VTCN1: variants seen among roughly 807,000 people sequenced by gnomAD.
VTCN1 encodes V-set domain-containing T-cell activation inhibitor 1.
VTCN1 carries 26 observed loss-of-function variants against 26.5 expected under a neutral mutation model. The observed-to-expected ratio is 0.98, with a 90% confidence interval of 0.72 to 1.36. VTCN1 has a LOEUF of 1.36. Among genes scored for constraint, VTCN1 ranks in the 40% most tolerant of loss-of-function variants. The probability of loss-of-function intolerance (pLI) is 0.00; values close to 1 mark genes in which losing one functional copy is unlikely to be tolerated. For synonymous variants in VTCN1, 116 were observed against 130.7 expected, an observed-to-expected ratio of 0.89 and a Z score of 0.77; for missense variants, 298 against 337.7, an observed-to-expected ratio of 0.88 and a Z score of 0.92.
At position 117,161,209 on chromosome 1, in the gene VTCN1, T is replaced by C. The variant is rs117750758; in HGVS notation, c.98-4288A>G. 2.4e-4 allele frequency among the ~76,000 whole-genome samples: 37 copies of C among 152,358 alleles called. No individual in the cohort carries two copies. In the East Asian group the frequency reaches 6.4e-3, roughly 26 times the overall value. ...AAAGATTCAGTTTGCTTTGCAAGTA[T>C]TGTTACTTAGAGAATGATATCCAAG... On this transcript the variant is annotated intron_variant, in intron 2 of 5. Transcript: ENST00000369458. This position sits in a 1 kb window ranked among gnomAD's most constrained non-coding sequence, Gnocchi z 4.3.
intron 1 of VTCN1, among the ~76,000 whole-genome samples, chr1:117,186,892 A>G (rs1647970413): frequency 6.6e-6 from 1 of 151,998 alleles, no homozygotes; most frequent in African/African-American, 2.4e-5. Flanking sequence ...CAGGCCCCAG[A>G]ATTGACCCTG....
chr1:117,196,403 TAGAG>T (rs68151432), intron 1 of VTCN1, among the ~76,000 whole-genome samples: 12 of 145,242 alleles, frequency 8.3e-5, no homozygotes, highest in East Asian at 4.0e-4. Flanking sequence ...TATATATATA[TAGAG>T]AGAGAGAGAG....
chr1:117,162,921 G>T (rs536954032), intron 2 of VTCN1, among the ~76,000 whole-genome samples: 45 of 152,314 alleles, frequency 3.0e-4, no homozygotes, highest in Admixed American at 2.9e-3. Context: ...AAAATGAGCT[G>T]TCCTTTGAAA....
intron 1 of VTCN1, among the ~76,000 whole-genome samples, chr1:117,198,783 T>A (rs1439948074): frequency 6.6e-6 from 1 of 152,208 alleles, no homozygotes; most frequent in Non-Finnish European, 1.5e-5. Context: ...ATTTGAGAAA[T>A]ACGGGGTGAT....
At chr1:117,174,011 C>T (rs549307442) in intron 1 of VTCN1, among the ~76,000 whole-genome samples, 1 of 152,300 alleles carries the variant, frequency 6.6e-6, no homozygotes, top group Non-Finnish European at 1.5e-5. Flanking sequence ...ACTTCCAGAG[C>T]CTTGGAAAGA....
rs1019083829 is a variant in VTCN1 at position 117,161,429 on chromosome 1, C to A, written c.98-4508G>T. On this transcript the variant is annotated intron_variant, in intron 2 of 5. Coordinates refer to ENST00000369458, the MANE Select transcript of VTCN1 (RefSeq NM_024626.4). This position sits in a 1 kb window ranked among gnomAD's most constrained non-coding sequence, Gnocchi z 4.3. The stretch of plus-strand genomic sequence containing the variant: ...TCACCAAAGGAAAAATTAGTAGATT[C>A]TCTCTTTACTTTCCTGTAACTTTTT... Among the ~76,000 whole-genome samples the A allele has an allele frequency of 2.0e-5, 3 of 152,182 alleles. No individual in the cohort carries two copies. The highest frequency in any genetic ancestry group is 2.9e-5 in the Non-Finnish European group (2 of 68,030).
intron 1 of VTCN1, among the ~76,000 whole-genome samples, chr1:117,189,795 C>T (rs558283064): frequency 9.9e-5 from 15 of 152,234 alleles, no homozygotes; most frequent in African/African-American, 3.1e-4. Context: ...GGAGATCCCC[C>T]ACTCCTATTC....
At chr1:117,148,442 C>T (rs550702304) in intron 4 of VTCN1, among the ~76,000 whole-genome samples, 13 of 152,284 alleles carry the variant, frequency 8.5e-5, no homozygotes, top group Admixed American at 3.3e-4. Context: ...GCACTTAGAA[C>T]AGTGTCTGGC....
chr1:117,191,903 C>T (rs1244638479), intron 1 of VTCN1, among the ~76,000 whole-genome samples: 1 of 151,994 alleles, frequency 6.6e-6, no homozygotes. Flanking sequence ...CTGTAGTGAG[C>T]TATGATCATG....
chr1:117,207,495 G>T (rs1000477737), intron 1 of VTCN1, among the ~76,000 whole-genome samples: 5 of 151,792 alleles, frequency 3.3e-5, no homozygotes, highest in African/African-American at 1.2e-4. Flanking sequence ...TCAGCCATCC[G>T]TCCTGGCCCC....
intron 1 of VTCN1, among the ~76,000 whole-genome samples, chr1:117,177,921 CTT>C (rs79283862): frequency 2.9e-4 from 35 of 119,002 alleles, no homozygotes; most frequent in Admixed American, 3.5e-4. Context: ...GTTTTCTTTT[CTT>C]TTTTTTTTTT....
At chr1:117,204,496 T>C (rs1648944602) in intron 1 of VTCN1, among the ~76,000 whole-genome samples, 2 of 152,186 alleles carry the variant, frequency 1.3e-5, no homozygotes, top group South Asian at 2.1e-4. Flanking sequence ...GGATTCTTGC[T>C]GCTTGGGTAA....
intron 3 of VTCN1, among the ~76,000 whole-genome samples, chr1:117,153,605 C>T (rs995039903): frequency 2.0e-5 from 3 of 151,890 alleles, no homozygotes; most frequent in Non-Finnish European, 4.4e-5. Flanking sequence ...AATCACAAAC[C>T]CCAAGGACCT....
intron 1 of VTCN1, among the ~76,000 whole-genome samples, chr1:117,205,155 TATAGAG>T (rs1648990084): frequency 9.3e-6 from 1 of 107,914 alleles, no homozygotes; most frequent in Admixed American, 9.6e-5. Flanking sequence ...TATATATATA[TATAGAG>T]AGAGAGAGAG....
At chr1:117,180,501 A>G (rs1031103394) in intron 1 of VTCN1, among the ~76,000 whole-genome samples, 1 of 152,194 alleles carries the variant, frequency 6.6e-6, no homozygotes, top group Admixed American at 6.5e-5. Flanking sequence ...AACTGATCCC[A>G]TTGTACTGAA....
chr1:117,158,847 A>G (rs1038610110), intron 2 of VTCN1, among the ~76,000 whole-genome samples: 1 of 152,106 alleles, frequency 6.6e-6, no homozygotes, highest in Non-Finnish European at 1.5e-5. Flanking sequence ...CTTCCACCAG[A>G]TACCCCAAAT....
intron 1 of VTCN1, among the ~76,000 whole-genome samples, chr1:117,174,424 C>A (rs1463286720): frequency 6.6e-6 from 1 of 152,204 alleles, no homozygotes; most frequent in Non-Finnish European, 1.5e-5. Context: ...GTGACATACA[C>A]ACAAACCTTT....
At chr1:117,186,670 C>T (rs1647959523) in intron 1 of VTCN1, among the ~76,000 whole-genome samples, 1 of 152,200 alleles carries the variant, frequency 6.6e-6, no homozygotes, top group African/African-American at 2.4e-5. Context: ...CTCTCCACTT[C>T]AAGTCCAGAT....
rs1475988758 is a variant in VTCN1 at position 117,155,913 on chromosome 1, AATT to A, written c.445+658_445+660del. Among the ~76,000 whole-genome samples, 3 of 152,100 alleles carry A rather than the reference AATT, an allele frequency of 2.0e-5. No individual in the cohort carries two copies. Among genetic ancestry groups the A allele is most frequent in the African/African-American group, 7.2e-5 (3 of 41,412 alleles). On this transcript the variant is annotated intron_variant, in intron 3 of 5. Transcript: ENST00000369458. The surrounding 1 kb of genome is among the most constrained non-coding windows in gnomAD (Gnocchi z 4.8). ...CTTAAAGCATTTGATACACTTTACT[AATT>A]ATTATCATTTACAGACTTTTATTAT... is the stretch of plus-strand genomic sequence containing the variant.
Sources: allele counts gnomAD v4.1 joint callset (sites outside exome capture counted in the v4.1 genomes callset), GRCh38; gene constraint gnomAD v4.1.1; non-coding constraint Gnocchi (gnomAD v3.1); transcripts MANE v1.5; gene names NCBI Gene and HGNC (gene_info 2026-07-23, HGNC 2026-07-21).